GPR155: variants seen among roughly 807,000 people sequenced by gnomAD.
The protein encoded by GPR155 is G protein-coupled receptor 155.
A neutral mutation model predicts 93.1 loss-of-function variants in GPR155; 65 were observed. The observed-to-expected ratio is 0.70, with a 90% CI of 0.57 to 0.86. GPR155 has a LOEUF of 0.86. GPR155 is among the 40% of genes least tolerant of loss of function. The pLI is 0.00. For synonymous variants in GPR155, 319 were observed against 360.1 expected (o/e 0.89, Z 1.29); for missense variants, 838 against 1,034.8 (o/e 0.81, Z 2.61).
At chr2:174,475,497 AT>A (rs34117584) in intron 2 of GPR155, among the ~76,000 whole-genome samples, 8,196 of 150,692 alleles carry the variant, frequency 0.054, 298 homozygotes, top group South Asian at 0.097. Flanking sequence ...GCTAAAACCT[AT>A]TTTTTTTTAA....
chr2:174,443,680 T>C (rs10754983), intron 13 of GPR155, among the ~76,000 whole-genome samples: 149,332 of 152,196 alleles, frequency 0.98, 73,330 homozygotes, highest in East Asian at 1. Context: ...AGTGAGCTAA[T>C]GCCAATGCAC....
At position 174,433,113 on chromosome 2, in the gene GPR155, G is replaced by A. The variant is rs1686684125; in HGVS notation, c.*3003C>T. On this transcript the variant is annotated 3_prime_UTR_variant, in exon 16 of 16. Transcript: ENST00000392552. ...TTATTTGTTGCATTAAAAGGGCAAT[G>A]ACTCTAACCCTATAAATTATTTTAT... The A allele has an allele frequency of 6.6e-6, 1 of 152,168 alleles. No individual in the cohort carries two copies. Among genetic ancestry groups the A allele is most frequent in the Non-Finnish European group, 1.5e-5 (1 of 68,008 alleles). The allele number at this position is 152,168 out of a possible 1,614,324, so 9.4% of individuals were successfully genotyped here.
At chr2:174,460,229 C>T (rs1574717370) in intron 9 of GPR155, 141 bp from the exon 10 acceptor site, 3 of 561,256 alleles carry the variant, frequency 5.3e-6, no homozygotes, top group Middle Eastern at 4.9e-4. Context: ...GACACAATCT[C>T]GGCTCACTGC....
rs969651777 is a variant in GPR155 at position 174,468,695 on chromosome 2, G to T, written c.1182+217C>A. 2.6e-5 allele frequency among the ~76,000 whole-genome samples: 4 copies of T among 152,160 alleles called. No individual in the cohort carries two copies. In the East Asian group the frequency reaches 7.7e-4, roughly 29 times the overall value. ...GTGAGAGGGCCAGGAATAAAATCCA[G>T]GTGTGACTAAATCTCATGTCTTGTC... On this transcript the variant is annotated intron_variant, in intron 5 of 15. Coordinates refer to ENST00000392552, the MANE Select transcript of GPR155 (RefSeq NM_152529.7).
At chr2:174,481,167 A>C (rs1361696192) in intron 2 of GPR155, among the ~76,000 whole-genome samples, 6 of 152,364 alleles carry the variant, frequency 3.9e-5, no homozygotes, top group Non-Finnish European at 7.3e-5. Context: ...CTATTTTTAT[A>C]TAGACATAAA....
At chr2:174,458,516 G>A (rs1394884971) in intron 10 of GPR155, among the ~76,000 whole-genome samples, 1 of 152,056 alleles carries the variant, frequency 6.6e-6, no homozygotes, top group East Asian at 1.9e-4. Flanking sequence ...TTCTCTCTTA[G>A]CCCTCACCCA....
intron 1 of GPR155, among the ~76,000 whole-genome samples, chr2:174,485,037 G>T (rs1688434335): frequency 6.6e-6 from 1 of 152,116 alleles, no homozygotes; most frequent in Non-Finnish European, 1.5e-5. Flanking sequence ...TACTAATAAT[G>T]ATAAAAAAGT....
chr2:174,442,069 G>C, intron 14 of GPR155, 50 bp downstream of exon 14: 1 of 942,332 alleles, frequency 1.1e-6, no homozygotes, highest in Non-Finnish European at 1.7e-6. Flanking sequence ...TAATATAATG[G>C]CTTTGTCATC....
At position 174,453,730 on chromosome 2, in the gene GPR155, C is replaced by T; in HGVS notation, c.1876+7G>A. On this transcript the variant is annotated splice_region_variant and intron_variant, in intron 11 of 15. Transcript: ENST00000392552. The stretch of plus-strand genomic sequence containing the variant: ...TAATCCCATCCTCATAGTCCAGAGG[C>T]ACTTACTTTTCTCAAACGAAGGAAT... 1 of 1,449,664 alleles carries T rather than the reference C, an allele frequency of 6.9e-7. No homozygotes were observed. The highest frequency in any genetic ancestry group is 9.7e-7 in the Non-Finnish European group (1 of 1,031,222). 89.8% of individuals were successfully genotyped at this position (1,449,664 alleles called of 1,614,324 possible). A position where few individuals can be genotyped will look rare whatever the true frequency, so the allele number is the denominator to read the frequency against.
In GPR155 at chr2:174,439,776, C is replaced by T. The variant is rs1574691969; in HGVS notation, c.2312+122G>A. 1.8e-5 allele frequency: 13 copies of T among 734,090 alleles called. No individual in the cohort carries two copies. The South Asian group carries it at 2.3e-4, about 13-fold the overall frequency. The allele number at this position is 734,090 out of a possible 1,614,324, so 45.5% of individuals were successfully genotyped here. On this transcript the variant is annotated intron_variant, in intron 15 of 15. Transcript: ENST00000392552. The stretch of plus-strand genomic sequence containing the variant: ...TCATAATTCCTGTAACTTTTACATG[C>T]ATATGTAAAAATAATCATGTAATCA...
At chr2:174,455,542 C>T (rs1687491826) in intron 10 of GPR155, among the ~76,000 whole-genome samples, 1 of 152,150 alleles carries the variant, frequency 6.6e-6, no homozygotes, top group Non-Finnish European at 1.5e-5. Context: ...CAGACTGGAC[C>T]AGAGTGACAA....
At position 174,483,158 on chromosome 2, in the gene GPR155, C is replaced by T. The variant is rs188900287; in HGVS notation, c.-31-1171G>A. The T allele has an allele frequency of 6.6e-5, 10 of 152,130 alleles. 1 individual carries two copies. Among genetic ancestry groups the T allele is most frequent in the Admixed American group, 6.5e-4 (10 of 15,280 alleles). The allele number at this position is 152,130 out of a possible 1,614,324, so 9.4% of individuals were successfully genotyped here. A position where few individuals can be genotyped will look rare whatever the true frequency, so the allele number is the denominator to read the frequency against. ...TGTGTCCTTAACATCTAGGACAGTA[C>T]CTGGCATACACGAGACAGAAAAAAA... is the stretch of plus-strand genomic sequence containing the variant. On this transcript the variant is annotated intron_variant, in intron 1 of 15. Coordinates refer to ENST00000392552, the MANE Select transcript of GPR155 (RefSeq NM_152529.7).
intron 15 of GPR155, among the ~76,000 whole-genome samples, chr2:174,437,092 T>C (rs1013549679): frequency 6.6e-6 from 1 of 152,232 alleles, no homozygotes; most frequent in African/African-American, 2.4e-5. Flanking sequence ...TTTAAAAATC[T>C]ATCTTCCTGA....
At chr2:174,450,003 A>G (rs1687269648) in intron 11 of GPR155, among the ~76,000 whole-genome samples, 1 of 151,754 alleles carries the variant, frequency 6.6e-6, no homozygotes. Flanking sequence ...AAAATTAGCC[A>G]GGCGTGGTTG....
chr2:174,476,215 TCATC>T (rs1688162009), intron 2 of GPR155, among the ~76,000 whole-genome samples: 1 of 152,194 alleles, frequency 6.6e-6, no homozygotes, highest in African/African-American at 2.4e-5. Context: ...ACCACCTTCT[TCATC>T]CATTTTATTC....
chr2:174,471,920 C>T (rs1688009964), intron 3 of GPR155, among the ~76,000 whole-genome samples: 1 of 152,078 alleles, frequency 6.6e-6, no homozygotes, highest in Admixed American at 6.5e-5. Context: ...TACTTATATT[C>T]ATTTTTATTA....
Position 174,446,614 on chromosome 2 carries a change from G to A in GPR155, c.2010C>T (p.Phe670=), listed in dbSNP as rs147095797. Residue 670 remains phenylalanine (F), a synonymous_variant, in exon 12 of 16, where the codon TTC becomes TTT. Coordinates refer to ENST00000392552, the MANE Select transcript of GPR155 (RefSeq NM_152529.7). ...LLCLLLIIGL[F]ANLSSCLWWL... is the part of the protein sequence containing the mutation. ...CAAAACCAGAAAAAACCATTACAGCGAACAGGCCAATGATGAGAAGTAAAC... is the reference window on the plus strand; with the variant it reads ...CAAAACCAGAAAAAACCATTACAGCAAACAGGCCAATGATGAGAAGTAAAC... 44 of 1,609,572 alleles carry A rather than the reference G, an allele frequency of 2.7e-5. No homozygotes were observed. Among genetic ancestry groups the A allele is most frequent in the South Asian group, 6.6e-5 (6 of 90,304 alleles).
intron 5 of GPR155, among the ~76,000 whole-genome samples, chr2:174,468,112 T>G (rs1687893594): frequency 6.6e-6 from 1 of 152,214 alleles, no homozygotes. Flanking sequence ...GCGACTTCCT[T>G]CTTTCCTCAT....
At chr2:174,456,147 A>G (rs1687511001) in intron 10 of GPR155, among the ~76,000 whole-genome samples, 1 of 151,938 alleles carries the variant, frequency 6.6e-6, no homozygotes, top group Non-Finnish European at 1.5e-5. Context: ...TGGCTGAGAT[A>G]TAAATAATAT....
Sources: allele counts gnomAD v4.1 joint callset (sites outside exome capture counted in the v4.1 genomes callset), GRCh38; gene constraint gnomAD v4.1.1; transcripts MANE v1.5; gene names NCBI Gene and HGNC (gene_info 2026-07-23, HGNC 2026-07-21).